MVB12B: variants seen among roughly 807,000 people sequenced by gnomAD.
MVB12B encodes the protein ESCRT-I complex subunit MVB12B.
A neutral mutation model predicts 41.6 loss-of-function variants in MVB12B; 16 were observed. The ratio of observed to expected loss-of-function variants is 0.38; its 90% CI spans 0.26 to 0.58. The LOEUF is 0.58. Ranked by LOEUF, MVB12B falls within the 20% of genes least tolerant of loss-of-function variation. MVB12B has a pLI of 0.62. For synonymous variants in MVB12B, 133 were observed against 139.7 expected (o/e 0.95, Z 0.34); for missense variants, 274 against 380.2 (o/e 0.72, Z 2.32).
In MVB12B at chr9:126,396,625, G is replaced by A. The variant is rs1025307457; in HGVS notation, c.662+928G>A. On this transcript the variant is annotated intron_variant, in intron 6 of 9. Coordinates refer to ENST00000361171, the MANE Select transcript of MVB12B (RefSeq NM_033446.3). ...TCTGTACTCTGTTCCTCTGTGCCAA[G>A]CCTCCGTCTCACTTGGAAGAATGTG... is the stretch of plus-strand genomic sequence containing the variant. 9.1e-6 allele frequency: 9 copies of A among 985,344 alleles called. No homozygotes were observed. The African/African-American group carries it at 1.4e-4, about 15-fold the overall frequency. 61.0% of individuals were successfully genotyped at this position (985,344 alleles called of 1,614,324 possible).
At chr9:126,445,287 C>G (rs1832738399) in intron 7 of MVB12B, among the ~76,000 whole-genome samples, 1 of 151,864 alleles carries the variant, frequency 6.6e-6, no homozygotes, top group Non-Finnish European at 1.5e-5. Flanking sequence ...GTTGCATTAC[C>G]CATTATGTTG....
At chr9:126,361,393 G>GT (rs1193183041) in intron 2 of MVB12B, among the ~76,000 whole-genome samples, 1 of 151,674 alleles carries the variant, frequency 6.6e-6, no homozygotes, top group Non-Finnish European at 1.5e-5. Context: ...TTTTTTCTAC[G>GT]TATGTCATAA....
At chr9:126,440,426 C>T (rs565295996) in intron 7 of MVB12B, among the ~76,000 whole-genome samples, 8 of 152,196 alleles carry the variant, frequency 5.3e-5, no homozygotes, top group East Asian at 1.9e-4. Flanking sequence ...GGCATCGTTA[C>T]GTGAAACAGC....
intron 9 of MVB12B, among the ~76,000 whole-genome samples, chr9:126,484,235 T>A (rs1833587940): frequency 6.6e-6 from 1 of 152,240 alleles, no homozygotes; most frequent in Non-Finnish European, 1.5e-5. Flanking sequence ...CTACTTCCAG[T>A]CAAATATGAC....
At chr9:126,488,793 G>A (rs1235235350) in intron 9 of MVB12B, among the ~76,000 whole-genome samples, 1 of 152,300 alleles carries the variant, frequency 6.6e-6, no homozygotes, top group East Asian at 1.9e-4. Flanking sequence ...TCCTGCCAGC[G>A]TTAACTGTCC....
intron 2 of MVB12B, among the ~76,000 whole-genome samples, chr9:126,365,726 TC>T (rs1830161406): frequency 6.6e-6 from 1 of 152,216 alleles, no homozygotes; most frequent in Non-Finnish European, 1.5e-5. Flanking sequence ...ATTTTATAAA[TC>T]CACTTTCCTG....
Position 126,433,726 on chromosome 9 carries a change from A to G in MVB12B, c.757+11778A>G, listed in dbSNP as rs1292425414. 2.6e-5 allele frequency among the ~76,000 whole-genome samples: 4 copies of G among 152,146 alleles called. No individual in the cohort carries two copies. In the South Asian group the frequency reaches 6.2e-4, roughly 24 times the overall value. On this transcript the variant is annotated intron_variant, in intron 7 of 9. Transcript: ENST00000361171. ...TACTGAGCCATTGCAGCCCGTGAGC[A>G]TTCCTTGTGAGTATTCCCTGTGAGT...
intron 1 of MVB12B, among the ~76,000 whole-genome samples, chr9:126,338,602 T>A (rs1829354470): frequency 6.6e-6 from 1 of 151,400 alleles, no homozygotes; most frequent in Non-Finnish European, 1.5e-5. Flanking sequence ...TTACCTCACA[T>A]GTTCTTTATT....
intron 2 of MVB12B, among the ~76,000 whole-genome samples, chr9:126,377,447 C>CA (rs1830513437): frequency 6.6e-6 from 1 of 152,142 alleles, no homozygotes; most frequent in Non-Finnish European, 1.5e-5. Flanking sequence ...ATATGTGTCT[C>CA]AGAGTGGTGA....
rs558720067 is a variant in MVB12B, at chr9:126,461,118, G to T, written c.758-20251G>T. Reference sequence around the variant, plus strand: ...ACAGGGATCAGGAAAACAGAAACTGGAACCTCATAAGGAAGAGAAGTCCAC... The same window carrying T: ...ACAGGGATCAGGAAAACAGAAACTGTAACCTCATAAGGAAGAGAAGTCCAC... On this transcript the variant is annotated intron_variant, in intron 7 of 9. Transcript: ENST00000361171. Among the ~76,000 whole-genome samples, 287 of 152,300 alleles carry T rather than the reference G, an allele frequency of 1.9e-3. 3 individuals are homozygous for T. Among genetic ancestry groups the T allele is most frequent in the African/African-American group, 6.7e-3 (280 of 41,564 alleles).
Position 126,402,203 on chromosome 9 carries a change from CCCAGGTGATT to C in MVB12B, c.662+6510_662+6519del, listed in dbSNP as rs572112720. Among the ~76,000 whole-genome samples, 36 of 152,236 alleles carry C rather than the reference CCCAGGTGATT, an allele frequency of 2.4e-4. No individual in the cohort carries two copies. In the East Asian group the frequency reaches 6.6e-3, roughly 28 times the overall value. On this transcript the variant is annotated intron_variant, in intron 6 of 9. Transcript: ENST00000361171. ...CATTTATGAGAGGGGTTCTGTGTAT[CCCAGGTGATT>C]CCAATGACTCTTTTTGTCCCCTAGT... is the stretch of plus-strand genomic sequence containing the variant.
At chr9:126,398,949 G>T (rs1022802720) in intron 6 of MVB12B, among the ~76,000 whole-genome samples, 3 of 152,194 alleles carry the variant, frequency 2.0e-5, no homozygotes, top group Admixed American at 6.5e-5. Flanking sequence ...TCTTTGCACC[G>T]TCTGTAGGCC....
intron 7 of MVB12B, among the ~76,000 whole-genome samples, chr9:126,443,419 G>A (rs11788787): frequency 0.26 from 40,192 of 151,998 alleles, 5,416 homozygotes; most frequent in Middle Eastern, 0.31. Context: ...CGTCATTTCC[G>A]GTAAGAGCCT....
intron 7 of MVB12B, among the ~76,000 whole-genome samples, chr9:126,451,062 G>A (rs1349427060): frequency 1.3e-5 from 2 of 152,208 alleles, no homozygotes; most frequent in African/African-American, 4.8e-5. Context: ...GCAAGGTCAC[G>A]TACTCCACCC....
chr9:126,385,185 C>T (rs1830745682), intron 3 of MVB12B, among the ~76,000 whole-genome samples: 1 of 151,956 alleles, frequency 6.6e-6, no homozygotes, highest in Non-Finnish European at 1.5e-5. Flanking sequence ...AATGTGCACC[C>T]GAAATTAATT....
At chr9:126,332,707 C>T (rs1353568823) in intron 1 of MVB12B, among the ~76,000 whole-genome samples, 2 of 151,864 alleles carry the variant, frequency 1.3e-5, no homozygotes, top group Admixed American at 6.6e-5. Context: ...TTTATGTGGC[C>T]CCACCCCTTT....
chr9:126,437,099 G>A (rs2119128702), intron 7 of MVB12B, among the ~76,000 whole-genome samples: 1 of 152,266 alleles, frequency 6.6e-6, no homozygotes. Flanking sequence ...GCTGCCGTGT[G>A]GGTGGGTTTC....
chr9:126,408,857 C>T (rs147333240), intron 6 of MVB12B, among the ~76,000 whole-genome samples: 1 of 152,292 alleles, frequency 6.6e-6, no homozygotes, highest in East Asian at 1.9e-4. Context: ...ATGTATAGTT[C>T]TAAATGCTAT....
Position 126,505,819 on chromosome 9 carries a change from C to T in MVB12B, c.*2556C>T, listed in dbSNP as rs774223594. 6.6e-6 allele frequency: 1 copy of T among 152,118 alleles called. No homozygotes were observed. Among genetic ancestry groups the T allele is most frequent in the Non-Finnish European group, 1.5e-5 (1 of 68,038 alleles). 9.4% of individuals were successfully genotyped at this position (152,118 alleles called of 1,614,324 possible). Reference sequence around the variant, plus strand: ...TCTTTTGGGAGAGTACTTTTCTCCACGAGCCCTCTGGCCACTGTGGGAGGG... The same window carrying T: ...TCTTTTGGGAGAGTACTTTTCTCCATGAGCCCTCTGGCCACTGTGGGAGGG... On this transcript the variant is annotated 3_prime_UTR_variant, in exon 10 of 10. Coordinates refer to ENST00000361171, the MANE Select transcript of MVB12B (RefSeq NM_033446.3).
Sources: gnomAD v4.1 joint callset for allele counts (sites outside exome capture counted in the v4.1 genomes callset) on GRCh38, gnomAD v4.1.1 for gene constraint, MANE v1.5 for transcripts, NCBI Gene and HGNC (gene_info 2026-07-23, HGNC 2026-07-21) for gene names.